The following RMDN1 variants were observed in gnomAD, a reference collection of about 807,000 sequenced individuals.
The protein encoded by RMDN1 is regulator of microtubule dynamics protein 1.
Under a neutral mutation model 48.9 loss-of-function variants are expected in RMDN1, and 48 were observed. The observed-to-expected ratio is 0.98, with a 90% confidence interval of 0.78 to 1.25. The LOEUF is 1.25. Ranked by LOEUF, RMDN1 falls within the 50% of genes most tolerant of loss-of-function variation. The pLI, the probability that RMDN1 is intolerant of heterozygous loss-of-function variation, is 0.00. For synonymous variants in RMDN1, 148 were observed against 132.6 expected (o/e 1.12, Z -0.80); for missense variants, 418 against 373.4 (o/e 1.12, Z -0.98).
intron 5 of RMDN1, among the ~76,000 whole-genome samples, chr8:86,484,134 A>G (rs937789436): frequency 6.6e-6 from 1 of 152,200 alleles, no homozygotes; most frequent in African/African-American, 2.4e-5. Context: ...GATTAACAGG[A>G]TATTACCAAG....
At chr8:86,474,780 C>T (rs769038702) in intron 9 of RMDN1, 40 bp downstream of exon 9, 1 of 1,582,780 alleles carries the variant, frequency 6.3e-7, no homozygotes, top group South Asian at 1.1e-5. Context: ...TTAATAGTGC[C>T]TCAAAACCTT....
intron 2 of RMDN1, among the ~76,000 whole-genome samples, chr8:86,505,953 T>G (rs1380132903): frequency 6.6e-6 from 1 of 152,222 alleles, no homozygotes; most frequent in Non-Finnish European, 1.5e-5. Context: ...ATAGTTTACA[T>G]GTAGTAGTAC....
chr8:86,492,194 A>G (rs1445763583), intron 2 of RMDN1, among the ~76,000 whole-genome samples: 3 of 152,226 alleles, frequency 2.0e-5, no homozygotes, highest in African/African-American at 4.8e-5. Flanking sequence ...AAAACAGAAA[A>G]GAAATTTTAA....
rs140870144 is a variant in RMDN1, at chr8:86,505,505, T to C, written c.247+1490A>G. 674 of 371,936 alleles carry C rather than the reference T, an allele frequency of 1.8e-3. 4 individuals are homozygous for C. Among genetic ancestry groups the C allele is most frequent in the African/African-American group, 0.013 (606 of 48,440 alleles). The allele number at this position is 371,936 out of a possible 1,614,324, so 23.0% of individuals were successfully genotyped here. On this transcript the variant is annotated intron_variant, in intron 2 of 9. Transcript: ENST00000406452. ...TGTAAGAGCACCTTCCTCACTTCCA[T>C]ATAGCTCTACAAGGCAAATTAACTT...
intron 5 of RMDN1, chr8:86,481,775 CT>C: frequency 5.5e-6 from 6 of 1,088,610 alleles, no homozygotes; most frequent in Non-Finnish European, 7.5e-6. Flanking sequence ...GAGAAGAGAT[CT>C]TTTCCCACAA....
downstream of RMDN1, among the ~76,000 whole-genome samples, chr8:86,471,311 G>C (rs987328765): frequency 6.6e-6 from 1 of 151,728 alleles, no homozygotes; most frequent in African/African-American, 2.4e-5. Flanking sequence ...AAATATTCTT[G>C]AACTAACCCA....
chr8:86,501,106 C>T (rs1563650247), intron 2 of RMDN1, among the ~76,000 whole-genome samples: 1 of 152,160 alleles, frequency 6.6e-6, no homozygotes, highest in African/African-American at 2.4e-5. Flanking sequence ...ACAATGCTCA[C>T]TACCTGGGTG....
chr8:86,511,014 A>G (rs1377806424), upstream of RMDN1, among the ~76,000 whole-genome samples: 1 of 151,794 alleles, frequency 6.6e-6, no homozygotes, highest in Non-Finnish European at 1.5e-5. Flanking sequence ...TTTGTTTTTT[A>G]ATTTGCTGCA....
intron 2 of RMDN1, among the ~76,000 whole-genome samples, chr8:86,506,289 A>T (rs1819341851): frequency 6.6e-6 from 1 of 152,204 alleles, no homozygotes; most frequent in Non-Finnish European, 1.5e-5. Flanking sequence ...TCCCCAAAGA[A>T]TGTTTATAGC....
chr8:86,509,206 C>A (rs1397582285), upstream of RMDN1, among the ~76,000 whole-genome samples: 1 of 151,938 alleles, frequency 6.6e-6, no homozygotes, highest in Non-Finnish European at 1.5e-5. Context: ...AAATGCAAAG[C>A]GTTTTGGGAA....
chr8:86,474,107 G>A lies in RMDN1; in HGVS notation c.*201C>T. The stretch of plus-strand genomic sequence containing the variant: ...ATAATCTCTTTGCCTGAGCCATGGA[G>A]ATTTATTTCTACCACTCTTATGGCG... On this transcript the variant is annotated 3_prime_UTR_variant, in exon 10 of 10. Coordinates refer to ENST00000406452, the MANE Select transcript of RMDN1 (RefSeq NM_016033.3). 1 of 1,304,542 alleles carries A rather than the reference G, an allele frequency of 7.7e-7. No individual in the cohort carries two copies. The highest frequency in any genetic ancestry group is 2.2e-5 in the South Asian group (1 of 46,306). 80.8% of individuals were successfully genotyped at this position (1,304,542 alleles called of 1,614,324 possible). A position where few individuals can be genotyped will look rare whatever the true frequency, so the allele number is the denominator to read the frequency against.
At chr8:86,469,202 C>G (rs1310043049), downstream of RMDN1, among the ~76,000 whole-genome samples, 2 of 149,020 alleles carry the variant, frequency 1.3e-5, no homozygotes, top group Non-Finnish European at 3.0e-5. Context: ...CCATGTACTT[C>G]CCAAGTAGTT....
At position 86,504,401 on chromosome 8, in the gene RMDN1, C is replaced by T. The variant is rs539502222; in HGVS notation, c.247+2594G>A. 6 of 1,560,624 alleles carry T rather than the reference C, an allele frequency of 3.8e-6. No individual in the cohort carries two copies. In the African/African-American group the frequency reaches 8.1e-5, roughly 21 times the overall value. On this transcript the variant is annotated intron_variant, in intron 2 of 9. Transcript: ENST00000406452. ...AGCTACCAACAGCCAATCATCATTTCCATTGTGCTCCAGCTCTCTCGACAG... is the reference window on the plus strand; with the variant it reads ...AGCTACCAACAGCCAATCATCATTTTCATTGTGCTCCAGCTCTCTCGACAG...
At chr8:86,488,359 A>C (rs1466837282) in intron 3 of RMDN1, among the ~76,000 whole-genome samples, 193 bp downstream of exon 3, 3 of 152,206 alleles carry the variant, frequency 2.0e-5, no homozygotes, top group Non-Finnish European at 2.9e-5. Context: ...CACCTTTTCT[A>C]AATCAATGAG....
At chr8:86,495,410 T>TA (rs11412440) in intron 2 of RMDN1, among the ~76,000 whole-genome samples, 40,204 of 151,970 alleles carry the variant, frequency 0.26, 6,214 homozygotes, top group East Asian at 0.53. Flanking sequence ...GAGAGAACTC[T>TA]AGTCTTTGTG....
chr8:86,497,432 G>C (rs1817542698), intron 2 of RMDN1, among the ~76,000 whole-genome samples: 2 of 152,344 alleles, frequency 1.3e-5, no homozygotes, highest in Admixed American at 1.3e-4. Flanking sequence ...GCTGGGCACA[G>C]TGGCACATGC....
chr8:86,505,156 CT>C (rs1280176205), intron 2 of RMDN1: 1 of 1,161,556 alleles, frequency 8.6e-7, no homozygotes, highest in Non-Finnish European at 1.2e-6. Flanking sequence ...AGGACTGCTT[CT>C]GAATGCTGCT....
intron 2 of RMDN1, among the ~76,000 whole-genome samples, chr8:86,496,868 AAGAT>A (rs1258623379): frequency 6.6e-6 from 1 of 152,296 alleles, no homozygotes; most frequent in East Asian, 1.9e-4. Context: ...CACACACTCT[AAGAT>A]AGGCCACATG....
intron 5 of RMDN1, among the ~76,000 whole-genome samples, chr8:86,483,653 C>T (rs1563604656): frequency 6.6e-6 from 1 of 152,218 alleles, no homozygotes; most frequent in African/African-American, 2.4e-5. Context: ...TCTCTGGACT[C>T]CCAGTCATTC....
Sources: gnomAD v4.1 joint callset for allele counts (sites outside exome capture counted in the v4.1 genomes callset) on GRCh38, gnomAD v4.1.1 for gene constraint, MANE v1.5 for transcripts, NCBI Gene and HGNC (gene_info 2026-07-23, HGNC 2026-07-21) for gene names.